Variants in PPARA observed in about 807,000 individuals in gnomAD.
PPARA encodes the protein peroxisome proliferator activated receptor alpha, also known as peroxisome proliferator-activated receptor alpha.
In PPARA, 22 loss-of-function variants were observed where a neutral mutation model predicts 42.2. That is an observed-to-expected ratio of 0.52 (90% confidence interval 0.37 to 0.74). PPARA has a LOEUF of 0.74. PPARA is among the 30% of genes least tolerant of loss of function. The pLI is 0.00. For synonymous variants in PPARA, 242 were observed against 239.3 expected (o/e 1.01, Z -0.10); for missense variants, 465 against 608.2 (o/e 0.76, Z 2.48).
rs2147330052 is a variant in PPARA at position 46,191,342 on chromosome 22, A to C, written c.-42-7000A>C. Among the ~76,000 whole-genome samples, 1 of 152,272 alleles carries C rather than the reference A, an allele frequency of 6.6e-6. No individual in the cohort carries two copies. Among genetic ancestry groups the C allele is most frequent in the South Asian group, 2.1e-4 (1 of 4,824 alleles). On this transcript the variant is annotated intron_variant, in intron 3 of 8. Coordinates refer to ENST00000407236, the MANE Select transcript of PPARA (RefSeq NM_005036.6). This position sits in a 1 kb window ranked among gnomAD's most constrained non-coding sequence, Gnocchi z 4.6. ...AGGGGTTTCCCTTCGGTCTCCTTTT[A>C]TTCCAAGCAAGTGGCAAAACTACTT...
In PPARA at chr22:46,221,875, A is replaced by C. The variant is rs1935034584; in HGVS notation, c.711+1861A>C. On this transcript the variant is annotated intron_variant, in intron 7 of 8. Coordinates refer to ENST00000407236, the MANE Select transcript of PPARA (RefSeq NM_005036.6). This position sits in a 1 kb window ranked among gnomAD's most constrained non-coding sequence, Gnocchi z 5.9. ...TGGATCACTTGAGGTCAGGAGTTTGAGACCACCCTGGCCAACATGGTGAAA... is the reference window on the plus strand; with the variant it reads ...TGGATCACTTGAGGTCAGGAGTTTGCGACCACCCTGGCCAACATGGTGAAA... Among the ~76,000 whole-genome samples the C allele has an allele frequency of 6.6e-6, 1 of 152,082 alleles. No individual in the cohort carries two copies.
In PPARA at chr22:46,180,904, G is replaced by C. The variant is rs896273823; in HGVS notation, c.-43+4068G>C. Among the ~76,000 whole-genome samples, 2 of 152,158 alleles carry C rather than the reference G, an allele frequency of 1.3e-5. No individual in the cohort carries two copies. Among genetic ancestry groups the C allele is most frequent in the Non-Finnish European group, 2.9e-5 (2 of 68,036 alleles). On this transcript the variant is annotated intron_variant, in intron 3 of 8. Transcript: ENST00000407236. The surrounding 1 kb of genome is among the most constrained non-coding windows in gnomAD (Gnocchi z 4.2). ...CTGGGACCTTTGGTGCCAATGGGAG[G>C]ACTTTAGCCCGGAAAGGAGATTGGC...
At chr22:46,206,510 A>G (rs1450312058) in intron 4 of PPARA, among the ~76,000 whole-genome samples, 1 of 152,110 alleles carries the variant, frequency 6.6e-6, no homozygotes, top group Non-Finnish European at 1.5e-5. Context: ...TTTAGGGTTT[A>G]TAGTGTATCT....
Position 46,242,992 on chromosome 22 carries a change from C to G in PPARA, c.*7612C>G, listed in dbSNP as rs1207766110. 1 of 152,644 alleles carries G rather than the reference C, an allele frequency of 6.6e-6. No individual in the cohort carries two copies. The highest frequency in any genetic ancestry group is 2.4e-5 in the African/African-American group (1 of 41,456). 9.5% of individuals were successfully genotyped at this position (152,644 alleles called of 1,614,324 possible). A position where few individuals can be genotyped will look rare whatever the true frequency, so the allele number is the denominator to read the frequency against. ...TGTCTGCTCTTCAGGGAACTGTTACCTATGGGTTATTACCAAAGAACGCTG... is the reference window on the plus strand; with the variant it reads ...TGTCTGCTCTTCAGGGAACTGTTACGTATGGGTTATTACCAAAGAACGCTG... On this transcript the variant is annotated 3_prime_UTR_variant, in exon 9 of 9. Transcript: ENST00000407236. The surrounding 1 kb of genome is among the most constrained non-coding windows in gnomAD (Gnocchi z 6.1).
chr22:46,220,469 C>CGAGATCT, intron 7 of PPARA: 16 of 226,960 alleles, frequency 7.0e-5, no homozygotes, highest in South Asian at 2.3e-4. Flanking sequence ...TGTGCACCAC[C>CGAGATCT]ACACCTGGCT....
rs1359490638 is a variant in PPARA at position 46,195,824 on chromosome 22, C to T, written c.-42-2518C>T. 6.6e-6 allele frequency among the ~76,000 whole-genome samples: 1 copy of T among 152,076 alleles called. No individual in the cohort carries two copies. Among genetic ancestry groups the T allele is most frequent in the Non-Finnish European group, 1.5e-5 (1 of 68,032 alleles). On this transcript the variant is annotated intron_variant, in intron 3 of 8. Coordinates refer to ENST00000407236, the MANE Select transcript of PPARA (RefSeq NM_005036.6). This position sits in a 1 kb window ranked among gnomAD's most constrained non-coding sequence, Gnocchi z 4.6. ...TACCCCCGAGCCTCTCCGTGGTGTG[C>T]GCCGTGGGCACCATGTGACCATTTT...
intron 2 of PPARA, among the ~76,000 whole-genome samples, chr22:46,174,235 A>AGAGG: frequency 2.1e-5 from 3 of 146,172 alleles, no homozygotes; most frequent in African/African-American, 7.6e-5. Context: ...AGAAAGAGAG[A>AGAGG]GAGAAAGAAA....
intron 3 of PPARA, among the ~76,000 whole-genome samples, chr22:46,179,736 T>C (rs1367595737): frequency 6.6e-6 from 1 of 151,428 alleles, no homozygotes; most frequent in Non-Finnish European, 1.5e-5. Context: ...AAAATGAAAC[T>C]TTTACTGTTC....
At chr22:46,159,721 G>A (rs1290045427) in intron 2 of PPARA, among the ~76,000 whole-genome samples, 1 of 152,224 alleles carries the variant, frequency 6.6e-6, no homozygotes, top group Non-Finnish European at 1.5e-5. Flanking sequence ...AGATCTTGAA[G>A]GTGGGACTCA....
In PPARA at chr22:46,173,357, G is replaced by A. The variant is rs920682066; in HGVS notation, c.-126-3396G>A. On this transcript the variant is annotated intron_variant, in intron 2 of 8. Coordinates refer to ENST00000407236, the MANE Select transcript of PPARA (RefSeq NM_005036.6). This position sits in a 1 kb window ranked among gnomAD's most constrained non-coding sequence, Gnocchi z 4.3. The stretch of plus-strand genomic sequence containing the variant: ...TTGGCAAGCTGGCAAAATGAAGGGC[G>A]TACAAGTTGTTAGAGAGGCTGGGAG... Among the ~76,000 whole-genome samples the A allele has an allele frequency of 4.6e-5, 7 of 152,198 alleles. No individual in the cohort carries two copies. The highest frequency in any genetic ancestry group is 1.3e-4 in the Admixed American group (2 of 15,280).
rs1930975026 is a variant in PPARA, at chr22:46,187,457, T to G, written c.-43+10621T>G. Reference sequence around the variant, plus strand: ...CTGCCAGTTGTCAGGATCAGCTCTTTATCTCGCAGTCCTCCTGCCTCTTGT... The same window carrying G: ...CTGCCAGTTGTCAGGATCAGCTCTTGATCTCGCAGTCCTCCTGCCTCTTGT... On this transcript the variant is annotated intron_variant, in intron 3 of 8. Coordinates refer to ENST00000407236, the MANE Select transcript of PPARA (RefSeq NM_005036.6). The surrounding 1 kb of genome is among the most constrained non-coding windows in gnomAD (Gnocchi z 4.9). Among the ~76,000 whole-genome samples the G allele has an allele frequency of 6.6e-6, 1 of 152,224 alleles. No homozygotes were observed. The highest frequency in any genetic ancestry group is 1.5e-5 in the Non-Finnish European group (1 of 68,048).
At chr22:46,181,772 T>C (rs1271086475) in intron 3 of PPARA, among the ~76,000 whole-genome samples, 1 of 152,178 alleles carries the variant, frequency 6.6e-6, no homozygotes, top group East Asian at 1.9e-4. Context: ...GATCACAGTC[T>C]AGACATGCCC....
At chr22:46,155,775 A>G (rs1299913338) in intron 2 of PPARA, 1 of 152,242 alleles carries the variant, frequency 6.6e-6, no homozygotes, top group African/African-American at 2.4e-5. Context: ...ACTTGGTGAT[A>G]AGATGGGTTT....
At position 46,200,886 on chromosome 22, in the gene PPARA, T is replaced by C. The variant is rs1334762334; in HGVS notation, c.208+2295T>C. On this transcript the variant is annotated intron_variant, in intron 4 of 8. Coordinates refer to ENST00000407236, the MANE Select transcript of PPARA (RefSeq NM_005036.6). This position sits in a 1 kb window ranked among gnomAD's most constrained non-coding sequence, Gnocchi z 4.8. ...TTGCAGTGAGCAGAGATCATGCCAC[T>C]GTACTCTAGCTTGGGCGACAGGGTG... Among the ~76,000 whole-genome samples, 3 of 151,648 alleles carry C rather than the reference T, an allele frequency of 2.0e-5. No individual in the cohort carries two copies. Among genetic ancestry groups the C allele is most frequent in the South Asian group, 2.1e-4 (1 of 4,808 alleles).
chr22:46,158,287 A>G (rs568922668), intron 2 of PPARA, among the ~76,000 whole-genome samples: 1 of 152,100 alleles, frequency 6.6e-6, no homozygotes, highest in Non-Finnish European at 1.5e-5. Context: ...GGTGCCTGTA[A>G]TCCCAGCTAC....
chr22:46,187,535 G>A lies in PPARA; in HGVS notation c.-43+10699G>A, dbSNP rs761541691. 5.3e-5 allele frequency among the ~76,000 whole-genome samples: 8 copies of A among 152,202 alleles called. No homozygotes were observed. Among genetic ancestry groups the A allele is most frequent in the Admixed American group, 3.3e-4 (5 of 15,278 alleles). On this transcript the variant is annotated intron_variant, in intron 3 of 8. Transcript: ENST00000407236. The surrounding 1 kb of genome is among the most constrained non-coding windows in gnomAD (Gnocchi z 4.9). ...TTCTTGGGACAGTTACAACAGCCCC[G>A]TAAGGAGTTGTGCTGCTTCTAGTCT...
intron 3 of PPARA, among the ~76,000 whole-genome samples, chr22:46,181,096 T>A (rs1460933547): frequency 6.6e-6 from 1 of 151,974 alleles, no homozygotes; most frequent in Non-Finnish European, 1.5e-5. Context: ...TGAGAGTAGC[T>A]CACTGATTCA....
At position 46,191,891 on chromosome 22, in the gene PPARA, C is replaced by T. The variant is rs1271085739; in HGVS notation, c.-42-6451C>T. 5.9e-5 allele frequency among the ~76,000 whole-genome samples: 9 copies of T among 152,308 alleles called. No individual in the cohort carries two copies. In the East Asian group the frequency reaches 1.7e-3, roughly 29 times the overall value. ...GACCATCCTGGCCAACATGGTGAAA[C>T]CTTGTCTCTACTAAAAATACAAAAG... is the stretch of plus-strand genomic sequence containing the variant. On this transcript the variant is annotated intron_variant, in intron 3 of 8. Coordinates refer to ENST00000407236, the MANE Select transcript of PPARA (RefSeq NM_005036.6). This position sits in a 1 kb window ranked among gnomAD's most constrained non-coding sequence, Gnocchi z 4.6.
chr22:46,207,644 TTTATTATTATTATTATTA>T (rs34052175), intron 4 of PPARA, among the ~76,000 whole-genome samples: 1,002 of 91,694 alleles, frequency 0.011, 28 homozygotes, highest in African/African-American at 0.038. Flanking sequence ...AATTAATTAA[TTTATTATTATTATTATTA>T]TTATTATTAT....
Sources: allele counts gnomAD v4.1 joint callset (sites outside exome capture counted in the v4.1 genomes callset), GRCh38; gene constraint gnomAD v4.1.1; non-coding constraint Gnocchi (gnomAD v3.1); transcripts MANE v1.5; gene names NCBI Gene and HGNC (gene_info 2026-07-23, HGNC 2026-07-21).